Variants in PTPRD observed in about 807,000 individuals in gnomAD.
PTPRD encodes receptor-type tyrosine-protein phosphatase delta.
Under a neutral mutation model 214.5 loss-of-function variants are expected in PTPRD, and 34 were observed. The ratio of observed to expected loss-of-function variants is 0.16; its 90% CI spans 0.12 to 0.21. The LOEUF is 0.21. PTPRD is among the 10% of genes least tolerant of loss of function. The pLI, the probability that PTPRD is intolerant of heterozygous loss-of-function variation, is 1.00. For synonymous variants in PTPRD, 1,128 were observed against 845.7 expected (o/e 1.33, Z -5.79); for missense variants, 2,545 against 2,398.7 (o/e 1.06, Z -1.27).
chr9:8,488,430 A>G (rs1302614889), intron 27 of PTPRD, among the ~76,000 whole-genome samples: 1 of 152,214 alleles, frequency 6.6e-6, no homozygotes. Context: ...TGTGTTATAC[A>G]TATAAAACAT....
chr9:8,474,470 T>C (rs902656364), intron 30 of PTPRD, among the ~76,000 whole-genome samples: 2 of 152,198 alleles, frequency 1.3e-5, no homozygotes, highest in African/African-American at 4.8e-5. Context: ...AAATCTACGC[T>C]TGCCATTCTC....
chr9:10,227,666 C>T (rs2099593400), intron 3 of PTPRD, among the ~76,000 whole-genome samples: 1 of 151,932 alleles, frequency 6.6e-6, no homozygotes, highest in African/African-American at 2.4e-5. Flanking sequence ...TCTGTTACTT[C>T]TGATTCTCAG....
intron 6 of PTPRD, among the ~76,000 whole-genome samples, chr9:9,755,112 C>A (rs562642806): frequency 2.0e-4 from 30 of 152,032 alleles, no homozygotes; most frequent in African/African-American, 7.0e-4. Context: ...TAAACAAGAT[C>A]TCCAGATGAT....
intron 6 of PTPRD, among the ~76,000 whole-genome samples, chr9:9,751,008 G>C (rs1233188520): frequency 6.6e-6 from 1 of 152,056 alleles, no homozygotes; most frequent in African/African-American, 2.4e-5. Context: ...GCCTAATTTT[G>C]ATTTTCCAAT....
intron 8 of PTPRD, among the ~76,000 whole-genome samples, chr9:9,432,058 TAATAA>T (rs1303705198): frequency 1.4e-5 from 2 of 143,972 alleles, no homozygotes; most frequent in Non-Finnish European, 3.0e-5. Flanking sequence ...ATAATAATAA[TAATAA>T]TAATAATAAT....
chr9:9,665,201 G>C (rs959838767), intron 7 of PTPRD, among the ~76,000 whole-genome samples: 1 of 151,582 alleles, frequency 6.6e-6, no homozygotes, highest in Admixed American at 6.6e-5. Context: ...GAACGGCAAA[G>C]AGCCAACTTT....
In PTPRD at chr9:10,148,526, G is replaced by A. The variant is rs569208215; in HGVS notation, c.-544-114736C>T. ...CAGTATGCTATGTATCATTTCTCAAGAAGATACAAGGAAAGCAAATACTAT... is the reference window on the plus strand; with the variant it reads ...CAGTATGCTATGTATCATTTCTCAAAAAGATACAAGGAAAGCAAATACTAT... On this transcript the variant is annotated intron_variant, in intron 3 of 45. Transcript: ENST00000381196. Among the ~76,000 whole-genome samples, 187 of 152,234 alleles carry A rather than the reference G, an allele frequency of 1.2e-3. 1 individual carries two copies. Among genetic ancestry groups the A allele is most frequent in the Non-Finnish European group, 2.1e-3 (140 of 68,016 alleles).
intron 3 of PTPRD, among the ~76,000 whole-genome samples, chr9:10,150,926 A>C (rs1052036997): frequency 2.0e-5 from 3 of 152,084 alleles, no homozygotes; most frequent in Admixed American, 6.6e-5. Flanking sequence ...TTTTGAACAC[A>C]GGAAATGATT....
intron 12 of PTPRD, among the ~76,000 whole-genome samples, chr9:8,727,492 T>C (rs1359919594): frequency 6.6e-5 from 10 of 152,142 alleles, no homozygotes. Context: ...TCTACTAATT[T>C]AGAGAAAAGA....
chr9:8,891,936 G>A (rs1297391006), intron 11 of PTPRD, among the ~76,000 whole-genome samples: 2 of 151,962 alleles, frequency 1.3e-5, no homozygotes, highest in African/African-American at 4.8e-5. Flanking sequence ...TTTCTGAGTG[G>A]GCTAAAAATC....
chr9:8,740,554 G>T (rs1179330631), intron 11 of PTPRD, among the ~76,000 whole-genome samples: 1 of 152,184 alleles, frequency 6.6e-6, no homozygotes, highest in East Asian at 1.9e-4. Context: ...CAAGGTTATT[G>T]AATTTAATAA....
chr9:8,772,131 T>C (rs2095253796), intron 11 of PTPRD, among the ~76,000 whole-genome samples: 1 of 150,974 alleles, frequency 6.6e-6, no homozygotes, highest in African/African-American at 2.5e-5. Flanking sequence ...TATTCCTTCC[T>C]GAAAAAACAA....
chr9:10,524,022 G>A (rs778348477), intron 2 of PTPRD, among the ~76,000 whole-genome samples: 4 of 151,962 alleles, frequency 2.6e-5, no homozygotes, highest in Non-Finnish European at 4.4e-5. Flanking sequence ...TTAAGCTAAG[G>A]GTGGTTCTCT....
At chr9:10,322,084 G>A (rs12376577) in intron 3 of PTPRD, among the ~76,000 whole-genome samples, 20,755 of 151,872 alleles carry the variant, frequency 0.14, 1,499 homozygotes, top group South Asian at 0.24. Flanking sequence ...TGAACCATCC[G>A]CATGAGGGTT....
At position 10,061,141 on chromosome 9, in the gene PTPRD, G is replaced by C. The variant is rs138597862; in HGVS notation, c.-544-27351C>G. 3.1e-3 allele frequency among the ~76,000 whole-genome samples: 463 copies of C among 151,698 alleles called. 5 individuals carry two copies. Among genetic ancestry groups the C allele is most frequent in the African/African-American group, 9.1e-3 (377 of 41,292 alleles). ...TGATATATTCCTTTTGATTTAAATA[G>C]AAAAGAAATACTTGCTCATTTAAGT... On this transcript the variant is annotated intron_variant, in intron 3 of 45. Transcript: ENST00000381196.
At chr9:9,057,923 C>T (rs2099699328) in intron 10 of PTPRD, among the ~76,000 whole-genome samples, 1 of 152,042 alleles carries the variant, frequency 6.6e-6, no homozygotes, top group African/African-American at 2.4e-5. Flanking sequence ...TAAAAATAAT[C>T]ATAGGCTACA....
At chr9:8,739,090 T>C (rs2091249177) in intron 11 of PTPRD, among the ~76,000 whole-genome samples, 1 of 152,196 alleles carries the variant, frequency 6.6e-6, no homozygotes, top group Admixed American at 6.5e-5. Flanking sequence ...CTGCTAGGAC[T>C]CTCCAATTTG....
chr9:9,032,031 A>T (rs1478876990), intron 10 of PTPRD, among the ~76,000 whole-genome samples: 2 of 151,698 alleles, frequency 1.3e-5, no homozygotes, highest in Non-Finnish European at 2.9e-5. Context: ...TTTTTTCATT[A>T]TAAAAAGCTT....
At chr9:9,775,865 A>T (rs2098794229) in intron 5 of PTPRD, among the ~76,000 whole-genome samples, 1 of 145,178 alleles carries the variant, frequency 6.9e-6, no homozygotes, top group Non-Finnish European at 1.5e-5. Flanking sequence ...CTGAGGCAGG[A>T]GAATGGTGTG....
Sources: allele counts gnomAD v4.1 joint callset (sites outside exome capture counted in the v4.1 genomes callset), GRCh38; gene constraint gnomAD v4.1.1; transcripts MANE v1.5; gene names NCBI Gene and HGNC (gene_info 2026-07-23, HGNC 2026-07-21).